The following PSMB2 variants were observed in gnomAD, a reference collection of about 807,000 sequenced individuals.
PSMB2 encodes proteasome subunit beta type-2.
Under a neutral mutation model 25.7 loss-of-function variants are expected in PSMB2, and 13 were observed. The ratio of observed to expected loss-of-function variants is 0.51; its 90% CI spans 0.33 to 0.80. The LOEUF (loss-of-function observed/expected upper bound fraction) is 0.80, where lower values mean the gene tolerates loss of function less well. Ranked by LOEUF, PSMB2 falls within the 30% of genes least tolerant of loss-of-function variation. The probability of loss-of-function intolerance (pLI) is 0.02; values close to 1 mark genes in which losing one functional copy is unlikely to be tolerated. For missense variants in PSMB2, 202 were observed against 259.0 expected (o/e 0.78, Z 1.51); for synonymous variants, 87 against 96.2 (o/e 0.90, Z 0.56).
intron 2 of PSMB2, among the ~76,000 whole-genome samples, chr1:35,635,631 C>T (rs1210159260): frequency 6.6e-6 from 1 of 151,964 alleles, no homozygotes; most frequent in South Asian, 2.1e-4. Flanking sequence ...GAGATGGAGA[C>T]CATCCTGGTC....
At chr1:35,628,618 TATATATATATA>T (rs1266881115) in intron 3 of PSMB2, among the ~76,000 whole-genome samples, 2 of 52,342 alleles carry the variant, frequency 3.8e-5, no homozygotes, top group African/African-American at 7.6e-5. Flanking sequence ...TATATATATA[TATATATATATA>T]TATTTTTTTT....
intron 1 of PSMB2, among the ~76,000 whole-genome samples, chr1:35,639,825 T>C (rs1479985352): frequency 1.3e-5 from 2 of 152,246 alleles, no homozygotes; most frequent in African/African-American, 4.8e-5. Flanking sequence ...TTGGAAGGAC[T>C]GGCTTACAAA....
At chr1:35,635,406 C>T (rs1017818317) in intron 2 of PSMB2, among the ~76,000 whole-genome samples, 1 of 152,002 alleles carries the variant, frequency 6.6e-6, no homozygotes, top group Non-Finnish European at 1.5e-5. Flanking sequence ...CATACCAGGC[C>T]GATGGTGTTA....
intron 2 of PSMB2, among the ~76,000 whole-genome samples, chr1:35,632,310 T>G (rs1391932056): frequency 2.6e-5 from 4 of 152,228 alleles, no homozygotes; most frequent in Non-Finnish European, 5.9e-5. Context: ...GCATTCACTT[T>G]GGAGCTTAAT....
rs1650012121 is a variant in PSMB2 at position 35,601,879 on chromosome 1, G to A, written c.*1388C>T. 1.0e-6 allele frequency: 1 copy of A among 985,312 alleles called. No individual in the cohort carries two copies. Among genetic ancestry groups the A allele is most frequent in the Non-Finnish European group, 1.2e-6 (1 of 829,936 alleles). 61.0% of individuals were successfully genotyped at this position (985,312 alleles called of 1,614,324 possible). A position where few individuals can be genotyped will look rare whatever the true frequency, so the allele number is the denominator to read the frequency against. Reference sequence around the variant, plus strand: ...CAAAACATCCACATTGTTCCCTAAAGTTATGCTAAGAGTAAAACGAGTAAC... The same window carrying A: ...CAAAACATCCACATTGTTCCCTAAAATTATGCTAAGAGTAAAACGAGTAAC... On this transcript the variant is annotated 3_prime_UTR_variant, in exon 6 of 6. Transcript: ENST00000373237.
intron 1 of PSMB2, among the ~76,000 whole-genome samples, chr1:35,639,964 G>A (rs1041667245): frequency 6.6e-6 from 1 of 151,954 alleles, no homozygotes; most frequent in Non-Finnish European, 1.5e-5. Context: ...TTAGCTCTAG[G>A]GCACGGAGTT....
At position 35,601,562 on chromosome 1, in the gene PSMB2, T is replaced by C. The variant is rs551815012; in HGVS notation, c.*1705A>G. Reference sequence around the variant, plus strand: ...AGGCATTTATCATTGGCGTATTAAATAGTGTATAAGACACCCAAATCTAAT... The same window carrying C: ...AGGCATTTATCATTGGCGTATTAAACAGTGTATAAGACACCCAAATCTAAT... On this transcript the variant is annotated 3_prime_UTR_variant, in exon 6 of 6. Coordinates refer to ENST00000373237, the MANE Select transcript of PSMB2 (RefSeq NM_002794.5). 4.6e-5 allele frequency: 45 copies of C among 985,312 alleles called. No homozygotes were observed. The East Asian group carries it at 1.4e-3, about 30-fold the overall frequency. 61.0% of individuals were successfully genotyped at this position (985,312 alleles called of 1,614,324 possible).
intron 3 of PSMB2, among the ~76,000 whole-genome samples, chr1:35,612,369 A>G (rs1013520008): frequency 6.6e-5 from 10 of 152,104 alleles, no homozygotes; most frequent in African/African-American, 2.4e-4. Context: ...ATGAGAAAAA[A>G]TAATAACGGT....
At chr1:35,633,599 A>G (rs6668101) in intron 2 of PSMB2, among the ~76,000 whole-genome samples, 14,211 of 152,270 alleles carry the variant, frequency 0.093, 2,107 homozygotes, top group East Asian at 0.69. Flanking sequence ...GAAGTCATAC[A>G]GTACCTACTG....
chr1:35,641,474 G>C lies in PSMB2; in HGVS notation c.-42C>G, dbSNP rs763842759. The C allele has an allele frequency of 3.1e-6, 5 of 1,613,174 alleles. No individual in the cohort carries two copies. In the South Asian group the frequency reaches 4.4e-5, roughly 14 times the overall value. On this transcript the variant is annotated 5_prime_UTR_variant, in exon 1 of 6. Coordinates refer to ENST00000373237, the MANE Select transcript of PSMB2 (RefSeq NM_002794.5). ...GGGCTGCAGGTCCGACACAGCACGA[G>C]ACTCGCCCGCTTCCAGGTCTCACCG...
chr1:35,616,941 A>G (rs1478269212), intron 3 of PSMB2, among the ~76,000 whole-genome samples: 2 of 152,244 alleles, frequency 1.3e-5, no homozygotes, highest in Non-Finnish European at 2.9e-5. Context: ...CAAAGATTTC[A>G]GCAACTTCCA....
chr1:35,626,133 T>G (rs1650853519), intron 3 of PSMB2, among the ~76,000 whole-genome samples: 1 of 152,172 alleles, frequency 6.6e-6, no homozygotes, highest in Non-Finnish European at 1.5e-5. Flanking sequence ...CCACTGTGCC[T>G]GGCCGAAGAA....
intron 4 of PSMB2, among the ~76,000 whole-genome samples, chr1:35,608,033 G>A (rs1650219590): frequency 6.6e-6 from 1 of 152,204 alleles, no homozygotes; most frequent in South Asian, 2.1e-4. Context: ...ACTAGAGGCT[G>A]AGAAATCCTC....
rs1650048333 is a variant in PSMB2 at position 35,602,967 on chromosome 1, T to C, written c.*300A>G. On this transcript the variant is annotated 3_prime_UTR_variant, in exon 6 of 6. Transcript: ENST00000373237. ...AAGTAAAATATATGAAAGAGCTAGT[T>C]GGAAAGGAAGCCAAGCATGGAGTAG... The C allele has an allele frequency of 2.8e-6, 3 of 1,076,318 alleles. No homozygotes were observed. Among genetic ancestry groups the C allele is most frequent in the Non-Finnish European group, 3.4e-6 (3 of 887,188 alleles). 66.7% of individuals were successfully genotyped at this position (1,076,318 alleles called of 1,614,324 possible). A position where few individuals can be genotyped will look rare whatever the true frequency, so the allele number is the denominator to read the frequency against.
intron 3 of PSMB2, among the ~76,000 whole-genome samples, chr1:35,629,312 G>A (rs1419314340): frequency 1.3e-5 from 2 of 152,164 alleles, no homozygotes; most frequent in African/African-American, 4.8e-5. Context: ...CCTGTGGGAA[G>A]GGAATAACAC....
chr1:35,634,508 C>T (rs1345810908), intron 2 of PSMB2, among the ~76,000 whole-genome samples: 1 of 152,070 alleles, frequency 6.6e-6, no homozygotes, highest in African/African-American at 2.4e-5. Context: ...TCCTGAGTAG[C>T]TGGGACTATG....
In PSMB2 at chr1:35,601,268, A is replaced by G. The variant is rs1312626696; in HGVS notation, c.*1999T>C. 2.9e-6 allele frequency: 2 copies of G among 693,766 alleles called. No individual in the cohort carries two copies. Among genetic ancestry groups the G allele is most frequent in the East Asian group, 1.3e-4 (1 of 7,434 alleles). 43.0% of individuals were successfully genotyped at this position (693,766 alleles called of 1,614,324 possible). On this transcript the variant is annotated 3_prime_UTR_variant, in exon 6 of 6. Coordinates refer to ENST00000373237, the MANE Select transcript of PSMB2 (RefSeq NM_002794.5). Reference sequence around the variant, plus strand: ...ATTTTTTTAGTAGAGATGGGGTTTCACCATGTTGGCCAGGCTGGTCTTGAA... The same window carrying G: ...ATTTTTTTAGTAGAGATGGGGTTTCGCCATGTTGGCCAGGCTGGTCTTGAA...
At chr1:35,631,740 G>T (rs757007407) in intron 2 of PSMB2, among the ~76,000 whole-genome samples, 13 of 152,188 alleles carry the variant, frequency 8.5e-5, no homozygotes, top group Non-Finnish European at 1.8e-4. Flanking sequence ...GATATTGGGG[G>T]CCAGTCACAG....
At chr1:35,615,063 A>G (rs1044114758) in intron 3 of PSMB2, among the ~76,000 whole-genome samples, 6 of 152,234 alleles carry the variant, frequency 3.9e-5, no homozygotes, top group African/African-American at 1.4e-4. Flanking sequence ...TGCCTGATAT[A>G]TTGTAATAAT....
Sources: gnomAD v4.1 joint callset for allele counts (sites outside exome capture counted in the v4.1 genomes callset) on GRCh38, gnomAD v4.1.1 for gene constraint, MANE v1.5 for transcripts, NCBI Gene and HGNC (gene_info 2026-07-23, HGNC 2026-07-21) for gene names.